Variants in KHDRBS3 observed in about 807,000 individuals in gnomAD.
The protein encoded by KHDRBS3 is KH RNA binding domain containing, signal transduction associated 3.
A neutral mutation model predicts 45.6 loss-of-function variants in KHDRBS3; 23 were observed. The observed-to-expected ratio is 0.50, with a 90% CI of 0.36 to 0.72. The LOEUF (loss-of-function observed/expected upper bound fraction) is 0.72. Among genes scored for constraint, KHDRBS3 ranks in the 30% least tolerant of loss-of-function variants. The probability of loss-of-function intolerance (pLI) is 0.00; values close to 1 mark genes in which losing one functional copy is unlikely to be tolerated. For synonymous variants in KHDRBS3, 162 were observed against 156.5 expected, an observed-to-expected ratio of 1.04 and a Z score of -0.26; for missense variants, 352 against 424.8, an observed-to-expected ratio of 0.83 and a Z score of 1.51.
chr8:135,578,053 A>G (rs1056887512), intron 5 of KHDRBS3, among the ~76,000 whole-genome samples: 10 of 152,104 alleles, frequency 6.6e-5, no homozygotes, highest in African/African-American at 2.4e-4. Context: ...TGTCTGTTCA[A>G]GTATTTTGCC....
At chr8:135,651,970 A>G (rs1346930095), downstream of KHDRBS3, among the ~76,000 whole-genome samples, 1 of 152,226 alleles carries the variant, frequency 6.6e-6, no homozygotes, top group Non-Finnish European at 1.5e-5. Flanking sequence ...GACAGGTTCC[A>G]GAATGTAAAA....
At chr8:135,566,515 G>T (rs1373857713) in intron 5 of KHDRBS3, among the ~76,000 whole-genome samples, 4 of 152,160 alleles carry the variant, frequency 2.6e-5, no homozygotes, top group Non-Finnish European at 4.4e-5. Context: ...GTTGATGAAA[G>T]AAATGCCGAG....
At chr8:135,472,994 A>G (rs1822088093) in intron 1 of KHDRBS3, among the ~76,000 whole-genome samples, 1 of 151,266 alleles carries the variant, frequency 6.6e-6, no homozygotes, top group Non-Finnish European at 1.5e-5. Context: ...TAAAAAGTTT[A>G]CTGAATTCTG....
intron 2 of KHDRBS3, among the ~76,000 whole-genome samples, chr8:135,532,181 C>A (rs546714865): frequency 8.5e-4 from 129 of 152,236 alleles, no homozygotes; most frequent in Non-Finnish European, 1.4e-3. Flanking sequence ...ATTTACTACA[C>A]TGATATAATT....
At chr8:135,527,046 A>T (rs1320019519) in intron 2 of KHDRBS3, among the ~76,000 whole-genome samples, 1 of 151,934 alleles carries the variant, frequency 6.6e-6, no homozygotes, top group East Asian at 1.9e-4. Context: ...GTCTTTGAGG[A>T]CCTACAGATA....
chr8:135,560,232 A>G lies in KHDRBS3; in HGVS notation c.611+2645A>G, dbSNP rs377507740. ...GAACACTATATGTAGTATTCATCAT[A>G]AGAAATTATTTACCTGGTATATTAG... On this transcript the variant is annotated intron_variant, in intron 5 of 8. Coordinates refer to ENST00000355849, the MANE Select transcript of KHDRBS3 (RefSeq NM_006558.3). Among the ~76,000 whole-genome samples, 10 of 152,252 alleles carry G rather than the reference A, an allele frequency of 6.6e-5. No homozygotes were observed. The East Asian group carries it at 1.9e-3, about 29-fold the overall frequency.
chr8:135,529,596 A>G (rs931726293), intron 2 of KHDRBS3, among the ~76,000 whole-genome samples: 2 of 152,158 alleles, frequency 1.3e-5, no homozygotes, highest in African/African-American at 2.4e-5. Context: ...TAATCTAGTG[A>G]TATTGTTTGG....
intron 7 of KHDRBS3, among the ~76,000 whole-genome samples, chr8:135,608,066 G>A (rs1465552836): frequency 1.3e-5 from 2 of 152,144 alleles, no homozygotes; most frequent in African/African-American, 4.8e-5. Flanking sequence ...ACGGAGCCCA[G>A]TGACTGGCAT....
At chr8:135,593,994 G>T (rs1184384326) in intron 6 of KHDRBS3, among the ~76,000 whole-genome samples, 1 of 152,150 alleles carries the variant, frequency 6.6e-6, no homozygotes. Flanking sequence ...CAGACTCGAT[G>T]TGATATTTAA....
intron 5 of KHDRBS3, among the ~76,000 whole-genome samples, chr8:135,568,241 A>G (rs1487139262): frequency 6.6e-6 from 1 of 152,200 alleles, no homozygotes; most frequent in Non-Finnish European, 1.5e-5. Flanking sequence ...CCATAACACC[A>G]TTATACAATA....
intron 1 of KHDRBS3, among the ~76,000 whole-genome samples, chr8:135,461,724 A>G (rs375294572): frequency 2.0e-5 from 3 of 152,332 alleles, no homozygotes; most frequent in Admixed American, 6.5e-5. Context: ...ATAAGATTAC[A>G]TAACACTGTA....
intron 1 of KHDRBS3, among the ~76,000 whole-genome samples, chr8:135,488,095 GA>G (rs1287114049): frequency 6.6e-6 from 1 of 152,146 alleles, no homozygotes; most frequent in African/African-American, 2.4e-5. Context: ...TCAGTATTCA[GA>G]AAACATCTCT....
At chr8:135,612,642 A>G (rs1457986825) in intron 7 of KHDRBS3, among the ~76,000 whole-genome samples, 2 of 151,888 alleles carry the variant, frequency 1.3e-5, no homozygotes, top group Non-Finnish European at 2.9e-5. Flanking sequence ...GTGCAATGCT[A>G]CAGTTATAGT....
intron 5 of KHDRBS3, among the ~76,000 whole-genome samples, chr8:135,569,671 C>T (rs963698027): frequency 2.6e-5 from 4 of 152,064 alleles, no homozygotes; most frequent in Non-Finnish European, 5.9e-5. Flanking sequence ...GAAGGTGAGC[C>T]GCATGGTCTC....
chr8:135,490,704 GGTAGT>G (rs2130413956), intron 1 of KHDRBS3, among the ~76,000 whole-genome samples: 1 of 152,276 alleles, frequency 6.6e-6, no homozygotes, highest in South Asian at 2.1e-4. Context: ...CCCATCTGTA[GGTAGT>G]GTAGAATATG....
At chr8:135,560,586 T>TTGAAAA (rs1457507258) in intron 5 of KHDRBS3, among the ~76,000 whole-genome samples, 5 of 152,188 alleles carry the variant, frequency 3.3e-5, no homozygotes, top group African/African-American at 1.2e-4. Flanking sequence ...AATTAAGTTG[T>TTGAAAA]TGAAAATGTT....
intron 1 of KHDRBS3, among the ~76,000 whole-genome samples, chr8:135,473,249 T>A (rs1308527083): frequency 7.2e-5 from 11 of 152,146 alleles, no homozygotes; most frequent in African/African-American, 2.7e-4. Flanking sequence ...AAGCTTCTCT[T>A]CATTGGTGAC....
intron 6 of KHDRBS3, among the ~76,000 whole-genome samples, chr8:135,597,576 C>T (rs1829028525): frequency 6.6e-6 from 1 of 152,150 alleles, no homozygotes; most frequent in East Asian, 1.9e-4. Context: ...CTCTCATTAT[C>T]TTATATACCA....
chr8:135,565,051 C>T (rs1223723348), intron 5 of KHDRBS3, among the ~76,000 whole-genome samples: 2 of 152,146 alleles, frequency 1.3e-5, no homozygotes, highest in Non-Finnish European at 2.9e-5. Flanking sequence ...GGCTGCGAGT[C>T]TTGTTCCATT....
Sources: gnomAD v4.1 joint callset for allele counts (sites outside exome capture counted in the v4.1 genomes callset) on GRCh38, gnomAD v4.1.1 for gene constraint, MANE v1.5 for transcripts, NCBI Gene and HGNC (gene_info 2026-07-23, HGNC 2026-07-21) for gene names.